PCDHA13: variants seen among roughly 807,000 people sequenced by gnomAD.
The protein encoded by PCDHA13 is protocadherin alpha-13.
Under a neutral mutation model 64.8 loss-of-function variants are expected in PCDHA13, and 54 were observed. The ratio of observed to expected loss-of-function variants is 0.83; its 90% CI spans 0.67 to 1.04. PCDHA13 has a LOEUF of 1.04. PCDHA13 is among the 50% of genes least tolerant of loss of function. PCDHA13 has a pLI of 0.00. For missense variants in PCDHA13, 1,248 were observed against 1,254.3 expected, an observed-to-expected ratio of 0.99 and a Z score of 0.08; for synonymous variants, 587 against 564.4, an observed-to-expected ratio of 1.04 and a Z score of -0.57.
chr5:140,887,835 C>A (rs2061600577), intron 1 of PCDHA13, among the ~76,000 whole-genome samples: 1 of 152,106 alleles, frequency 6.6e-6, no homozygotes, highest in Admixed American at 6.6e-5. Context: ...TTTTGAATAT[C>A]TTTTATTGAC....
In PCDHA13 at chr5:140,884,590, C is replaced by T; in HGVS notation, c.2322C>T (p.Pro774=). 1 of 1,614,182 alleles carries T rather than the reference C, an allele frequency of 6.2e-7. No homozygotes were observed. Among genetic ancestry groups the T allele is most frequent in the Non-Finnish European group, 8.5e-7 (1 of 1,180,022 alleles). Residue 774 remains proline (P), a synonymous_variant, in exon 1 of 4, where the codon CCC becomes CCT. Coordinates refer to ENST00000289272, the MANE Select transcript of PCDHA13 (RefSeq NM_018904.3). ...AGACGGACCTCATGGCCTTCAGTCC[C>T]AGCCTTCCTCCTTGTCTGGGTTCTG... The part of the protein sequence containing the change: ...PHKTDLMAFS[P]SLPPCLGSAE...
intron 3 of PCDHA13, among the ~76,000 whole-genome samples, chr5:140,998,223 G>A (rs1554256200): frequency 6.6e-6 from 1 of 152,140 alleles, no homozygotes; most frequent in Non-Finnish European, 1.5e-5. Context: ...ACCACACCCA[G>A]AAATTTGTGC....
At chr5:140,986,861 C>T (rs1007036038) in intron 3 of PCDHA13, among the ~76,000 whole-genome samples, 12 of 152,086 alleles carry the variant, frequency 7.9e-5, no homozygotes, top group Non-Finnish European at 1.0e-4. Flanking sequence ...CAACAATACC[C>T]GGAAACTTGT....
intron 1 of PCDHA13, among the ~76,000 whole-genome samples, chr5:140,953,068 C>A (rs1243228817): frequency 6.6e-6 from 1 of 152,198 alleles, no homozygotes; most frequent in East Asian, 1.9e-4. Context: ...CAGGCCCCAT[C>A]TCCAACATTG....
At chr5:140,968,921 T>C (rs111394602) in intron 1 of PCDHA13, 34 of 1,614,098 alleles carry the variant, frequency 2.1e-5, no homozygotes, top group Non-Finnish European at 2.6e-5. Context: ...GTCTTTTATA[T>C]TTCTTTTGAC....
intron 3 of PCDHA13, among the ~76,000 whole-genome samples, chr5:141,001,942 TAAG>T (rs140166770): frequency 0.017 from 2,515 of 151,936 alleles, 63 homozygotes; most frequent in African/African-American, 0.058. Context: ...TGAGCGGAAA[TAAG>T]GAGGAGGGAG....
chr5:140,902,555 T>C (rs538054274), intron 1 of PCDHA13, among the ~76,000 whole-genome samples: 1 of 152,182 alleles, frequency 6.6e-6, no homozygotes, highest in Non-Finnish European at 1.5e-5. Flanking sequence ...TATACCCAGA[T>C]TTTTGAGGGT....
chr5:141,009,011 T>C (rs1461112133), intron 3 of PCDHA13, among the ~76,000 whole-genome samples: 1 of 152,256 alleles, frequency 6.6e-6, no homozygotes, highest in East Asian at 1.9e-4. Context: ...ATATTTTGCC[T>C]TTAGGCTCTG....
At chr5:140,943,326 G>A (rs1407826029) in intron 1 of PCDHA13, among the ~76,000 whole-genome samples, 10 of 149,948 alleles carry the variant, frequency 6.7e-5, no homozygotes, top group African/African-American at 2.5e-4. Flanking sequence ...ATATTGTGTA[G>A]TATCCATTGG....
At chr5:140,961,604 T>C (rs2095623962) in intron 1 of PCDHA13, among the ~76,000 whole-genome samples, 1 of 152,190 alleles carries the variant, frequency 6.6e-6, no homozygotes, top group Non-Finnish European at 1.5e-5. Context: ...TTCTAGTAAA[T>C]GAAACTAAAG....
intron 1 of PCDHA13, among the ~76,000 whole-genome samples, chr5:140,920,549 G>T (rs957534849): frequency 6.6e-6 from 1 of 152,120 alleles, no homozygotes; most frequent in Non-Finnish European, 1.5e-5. Flanking sequence ...TTTCACCTTC[G>T]AAGTGTGGCC....
chr5:140,946,886 C>G (rs1304455156), intron 1 of PCDHA13, among the ~76,000 whole-genome samples: 1 of 151,128 alleles, frequency 6.6e-6, no homozygotes, highest in African/African-American at 2.4e-5. Context: ...TACGAAGTTA[C>G]AATTAGATAG....
intron 3 of PCDHA13, among the ~76,000 whole-genome samples, chr5:141,008,922 G>A (rs34518527): frequency 0.052 from 7,924 of 152,178 alleles, 248 homozygotes; most frequent in South Asian, 0.11. Flanking sequence ...AATTTATTCA[G>A]CTAATTTTTC....
chr5:140,912,318 C>T (rs1554195270), intron 1 of PCDHA13, among the ~76,000 whole-genome samples: 2 of 151,536 alleles, frequency 1.3e-5, no homozygotes, highest in East Asian at 1.9e-4. Context: ...CAAGTTGACC[C>T]TCAGTATTAA....
chr5:140,953,871 A>G (rs2094944952), intron 1 of PCDHA13, among the ~76,000 whole-genome samples: 1 of 152,146 alleles, frequency 6.6e-6, no homozygotes, highest in African/African-American at 2.4e-5. Context: ...TTTGCTGCAC[A>G]GATCAACCCA....
chr5:141,000,421 ATTTTT>A (rs34755515), intron 3 of PCDHA13, among the ~76,000 whole-genome samples: 89 of 27,938 alleles, frequency 3.2e-3, no homozygotes, highest in East Asian at 4.2e-3. Flanking sequence ...ATATATATAT[ATTTTT>A]TTTTTTTTTT....
intron 1 of PCDHA13, among the ~76,000 whole-genome samples, chr5:140,890,937 A>G (rs2153432428): frequency 6.6e-6 from 1 of 152,254 alleles, no homozygotes; most frequent in South Asian, 2.1e-4. Flanking sequence ...TAGTCCAAAG[A>G]TGCTGGTGAG....
chr5:140,926,756 G>T, intron 1 of PCDHA13: 1 of 1,289,704 alleles, frequency 7.8e-7, no homozygotes, highest in South Asian at 2.2e-5. Context: ...GGCGGTCGCT[G>T]AGTATCCAGC....
intron 1 of PCDHA13, among the ~76,000 whole-genome samples, chr5:140,885,031 AT>A (rs1165183992): frequency 6.6e-6 from 1 of 152,198 alleles, no homozygotes; most frequent in Non-Finnish European, 1.5e-5. Flanking sequence ...AATTTAAAAA[AT>A]TTTTAGTTTA....
Sources: gnomAD v4.1 joint callset for allele counts (sites outside exome capture counted in the v4.1 genomes callset) on GRCh38, gnomAD v4.1.1 for gene constraint, MANE v1.5 for transcripts, NCBI Gene and HGNC (gene_info 2026-07-23, HGNC 2026-07-21) for gene names.